Variants in PCDH9 observed in about 807,000 individuals in gnomAD.
PCDH9 encodes protocadherin 9.
PCDH9 carries 24 observed loss-of-function variants against 70.6 expected under a neutral mutation model. The observed-to-expected ratio is 0.34, with a 90% CI of 0.25 to 0.48. The LOEUF (loss-of-function observed/expected upper bound fraction) is 0.48. Ranked by LOEUF, PCDH9 falls within the 20% of genes least tolerant of loss-of-function variation. The pLI is 0.99. For synonymous variants in PCDH9, 562 were observed against 558.5 expected, an observed-to-expected ratio of 1.01 and a Z score of -0.09; for missense variants, 1,281 against 1,503.6, an observed-to-expected ratio of 0.85 and a Z score of 2.45.
intron 3 of PCDH9, among the ~76,000 whole-genome samples, chr13:66,713,829 T>C (rs1342112805): frequency 7.9e-5 from 12 of 151,878 alleles, no homozygotes; most frequent in Non-Finnish European, 1.2e-4. Context: ...TCTTTAAGTC[T>C]ATTAAATCTA....
intron 4 of PCDH9, among the ~76,000 whole-genome samples, chr13:66,504,169 G>T (rs1414059168): frequency 1.3e-5 from 2 of 152,166 alleles, no homozygotes; most frequent in Admixed American, 1.3e-4. Context: ...TTCTTAGAAA[G>T]GCCTTGGCCA....
At chr13:67,102,458 T>A (rs1256430454) in intron 2 of PCDH9, among the ~76,000 whole-genome samples, 2 of 152,124 alleles carry the variant, frequency 1.3e-5, no homozygotes, top group South Asian at 2.1e-4. Flanking sequence ...GACACAGAAC[T>A]CTAATATCTG....
intron 3 of PCDH9, among the ~76,000 whole-genome samples, chr13:66,742,635 AC>A (rs2079285039): frequency 8.5e-6 from 1 of 117,000 alleles, no homozygotes; most frequent in South Asian, 3.6e-4. Flanking sequence ...ATGAACTCAA[AC>A]AAATTTACAA....
At chr13:66,594,194 T>G (rs1489072101) in intron 4 of PCDH9, among the ~76,000 whole-genome samples, 4 of 151,628 alleles carry the variant, frequency 2.6e-5, no homozygotes, top group Non-Finnish European at 5.9e-5. Flanking sequence ...TGAAAAAATA[T>G]CCATAACATT....
chr13:67,157,530 T>C (rs1401932586), intron 2 of PCDH9, among the ~76,000 whole-genome samples: 2 of 152,226 alleles, frequency 1.3e-5, no homozygotes. Flanking sequence ...TATATGATTA[T>C]AGCACTGGCC....
intron 3 of PCDH9, among the ~76,000 whole-genome samples, chr13:66,711,062 G>T (rs1397635281): frequency 6.6e-6 from 1 of 151,970 alleles, no homozygotes; most frequent in African/African-American, 2.4e-5. Flanking sequence ...TTCGGATAGG[G>T]AATATTTTTT....
chr13:66,998,152 T>C (rs999933037), intron 2 of PCDH9, among the ~76,000 whole-genome samples: 12 of 152,138 alleles, frequency 7.9e-5, no homozygotes, highest in African/African-American at 2.4e-4. Context: ...TTAATCCAGT[T>C]TAGAGAGTGG....
intron 4 of PCDH9, among the ~76,000 whole-genome samples, chr13:66,548,261 T>A (rs1207463009): frequency 1.3e-5 from 2 of 152,062 alleles, no homozygotes; most frequent in African/African-American, 4.8e-5. Context: ...TATTTAAAAT[T>A]TTTTTAAAAA....
chr13:66,993,070 A>G (rs2084036557), intron 2 of PCDH9, among the ~76,000 whole-genome samples: 1 of 152,146 alleles, frequency 6.6e-6, no homozygotes, highest in Non-Finnish European at 1.5e-5. Context: ...ACAAAAAATA[A>G]TTTGCAATCT....
chr13:66,549,020 G>A (rs1016516753), intron 4 of PCDH9, among the ~76,000 whole-genome samples: 1 of 152,030 alleles, frequency 6.6e-6, no homozygotes, highest in African/African-American at 2.4e-5. Flanking sequence ...ACCACCATAA[G>A]TGAGAGAAGA....
At chr13:66,582,589 C>T (rs531740183) in intron 4 of PCDH9, among the ~76,000 whole-genome samples, 17 of 152,190 alleles carry the variant, frequency 1.1e-4, no homozygotes, top group East Asian at 7.7e-4. Flanking sequence ...GCCAACATCA[C>T]GCCACTGCAC....
intron 3 of PCDH9, among the ~76,000 whole-genome samples, chr13:66,713,625 GTATATATATA>G (rs67681559): frequency 4.5e-5 from 5 of 110,010 alleles, no homozygotes; most frequent in Non-Finnish European, 5.4e-5. Flanking sequence ...GTGTGTGTGT[GTATATATATA>G]TATATATATA....
intron 3 of PCDH9, among the ~76,000 whole-genome samples, chr13:66,729,780 A>G (rs2079049057): frequency 6.6e-6 from 1 of 152,164 alleles, no homozygotes; most frequent in South Asian, 2.1e-4. Context: ...TAGCTCCTCC[A>G]TGAAGCATTT....
intron 2 of PCDH9, among the ~76,000 whole-genome samples, chr13:66,937,009 G>C (rs1379737967): frequency 2.6e-5 from 4 of 152,116 alleles, no homozygotes; most frequent in Non-Finnish European, 5.9e-5. Context: ...ATGTAAATTT[G>C]TTTTTCTCAA....
At chr13:66,535,608 T>C (rs4884678) in intron 4 of PCDH9, among the ~76,000 whole-genome samples, 75,930 of 151,772 alleles carry the variant, frequency 0.5, 20,128 homozygotes, top group East Asian at 0.67. Context: ...CAGAATTTCA[T>C]ACTAAACTGG....
At chr13:67,011,872 C>G (rs1387780583) in intron 2 of PCDH9, among the ~76,000 whole-genome samples, 11 of 151,810 alleles carry the variant, frequency 7.2e-5, no homozygotes, top group Non-Finnish European at 1.2e-4. Flanking sequence ...TAAACCTGTC[C>G]TCCCAAATAA....
chr13:66,655,028 AT>A lies in PCDH9; in HGVS notation c.3139-23618del, dbSNP rs1017551038. 2.7e-4 allele frequency among the ~76,000 whole-genome samples: 40 copies of A among 149,482 alleles called. No homozygotes were observed. In the East Asian group the frequency reaches 2.7e-3, roughly 10 times the overall value. On this transcript the variant is annotated intron_variant, in intron 3 of 4. Transcript: ENST00000377865. ...GGGGTGAGCCACCATACCCTGTGGC[AT>A]TTTTTTTTTAAATAATTAAAAAATG...
chr13:67,112,840 TC>T (rs2086684423), intron 2 of PCDH9, among the ~76,000 whole-genome samples: 1 of 152,090 alleles, frequency 6.6e-6, no homozygotes, highest in Admixed American at 6.5e-5. Flanking sequence ...CACCTCAGCT[TC>T]CCGAGTAGCT....
chr13:66,851,085 C>A (rs2081307537), intron 3 of PCDH9, among the ~76,000 whole-genome samples: 1 of 152,100 alleles, frequency 6.6e-6, no homozygotes, highest in Non-Finnish European at 1.5e-5. Flanking sequence ...GGCAATGTAC[C>A]TACTTTCAAA....
Sources: allele counts gnomAD v4.1 joint callset (sites outside exome capture counted in the v4.1 genomes callset), GRCh38; gene constraint gnomAD v4.1.1; transcripts MANE v1.5; gene names NCBI Gene and HGNC (gene_info 2026-07-23, HGNC 2026-07-21).